GRHL1: variants seen among roughly 807,000 people sequenced by gnomAD.
GRHL1 encodes the protein grainyhead-like protein 1 homolog.
Under a neutral mutation model 75.7 loss-of-function variants are expected in GRHL1, and 38 were observed. The observed-to-expected ratio is 0.50, with a 90% CI of 0.39 to 0.66. GRHL1 has a LOEUF of 0.66. Ranked by LOEUF, GRHL1 falls within the 30% of genes least tolerant of loss-of-function variation. The probability of loss-of-function intolerance (pLI) is 0.00; values close to 1 mark genes in which losing one functional copy is unlikely to be tolerated. For missense variants in GRHL1, 589 were observed against 767.5 expected (o/e 0.77, Z 2.75); for synonymous variants, 266 against 279.4 (o/e 0.95, Z 0.48).
chr2:9,986,248 G>A lies in GRHL1; in HGVS notation c.1235G>A (p.Arg412Gln), dbSNP rs921061980. ...AACCGCAGCAACAAGCCTGTGCACCGGGCCTACTGCCAGATCAAGGTCTTC... is the reference window on the plus strand; with the variant it reads ...AACCGCAGCAACAAGCCTGTGCACCAGGCCTACTGCCAGATCAAGGTCTTC... Reference protein sequence around the residue: ...YNNRSNKPVHRAYCQIKVFCD... With the variant: ...YNNRSNKPVHQAYCQIKVFCD... The change falls in exon 9 of 16, where the codon CGG becomes CAG. Residue 412 changes from arginine to glutamine, a missense_variant. Transcript: ENST00000324907. 11 of 1,613,502 alleles carry A rather than the reference G, an allele frequency of 6.8e-6. No individual in the cohort carries two copies. Among genetic ancestry groups the A allele is most frequent in the East Asian group, 2.2e-5 (1 of 44,846 alleles).
intron 14 of GRHL1, among the ~76,000 whole-genome samples, chr2:9,998,448 G>GTGTGTGTGTGTGTGTGTT (rs1553306800): frequency 4.4e-4 from 31 of 71,124 alleles, no homozygotes; most frequent in South Asian, 7.6e-4. Flanking sequence ...GTGTGTGTGT[G>GTGTGTGTGTGTGTGTGTT]TATATATATA....
Position 9,965,352 on chromosome 2 carries a change from T to G in GRHL1, c.1081T>G (p.Phe361Val), listed in dbSNP as rs781482693. The change falls in exon 8 of 16, where the codon TTC (phenylalanine) becomes GTC (valine). Residue 361 changes from phenylalanine to valine, a missense_variant. By Grantham distance (50) the Phe-to-Val change is conservative. Around this residue, in one of 5 missense-constraint regions of GRHL1, gnomAD observed 362 missense variants for 461.8 expected, o/e 0.78. Coordinates refer to ENST00000324907, the MANE Select transcript of GRHL1 (RefSeq NM_198182.3). Reference sequence around the variant, plus strand: ...GGAGATTGCGTATAACGCCATTTCCTTCACATGGGACATCAACGATGAAGC... The same window carrying G: ...GGAGATTGCGTATAACGCCATTTCCGTCACATGGGACATCAACGATGAAGC... ...IEEIAYNAISFTWDINDEAKV... is the reference protein window; with the variant it reads ...IEEIAYNAISVTWDINDEAKV... The G allele has an allele frequency of 6.2e-7, 1 of 1,610,464 alleles. No individual in the cohort carries two copies.
At chr2:9,999,368 G>A (rs1669166718) in intron 15 of GRHL1, among the ~76,000 whole-genome samples, 1 of 152,264 alleles carries the variant, frequency 6.6e-6, no homozygotes, top group Non-Finnish European at 1.5e-5. Flanking sequence ...TGGCAGCAGT[G>A]CCATGGCTCC....
At chr2:9,984,126 C>G (rs1184995044) in intron 8 of GRHL1, among the ~76,000 whole-genome samples, 3 of 151,908 alleles carry the variant, frequency 2.0e-5, no homozygotes, top group African/African-American at 7.3e-5. Flanking sequence ...TGCGCCATTG[C>G]ACTCCAGCCT....
At chr2:9,998,492 GTA>G (rs373084434) in intron 14 of GRHL1, among the ~76,000 whole-genome samples, 1 of 21,388 alleles carries the variant, frequency 4.7e-5, no homozygotes, top group African/African-American at 3.2e-4. Flanking sequence ...ATATATATAC[GTA>G]TATATACATA....
intron 8 of GRHL1, among the ~76,000 whole-genome samples, chr2:9,969,704 C>G (rs1315539225): frequency 6.6e-6 from 1 of 152,124 alleles, no homozygotes; most frequent in Non-Finnish European, 1.5e-5. Context: ...GAGGGGATGT[C>G]TGGGGGTGGT....
chr2:9,975,176 C>T (rs1001869049), intron 8 of GRHL1, among the ~76,000 whole-genome samples: 5 of 152,178 alleles, frequency 3.3e-5, no homozygotes, highest in African/African-American at 1.2e-4. Flanking sequence ...TTCTGCAGCC[C>T]TAAGTCACAG....
At chr2:9,959,523 T>C (rs1159820672) in intron 3 of GRHL1, 1 of 152,256 alleles carries the variant, frequency 6.6e-6, no homozygotes, top group Non-Finnish European at 1.5e-5. Context: ...GGTAGTGTAC[T>C]TTCTTCTACT....
rs1668587868 is a variant in GRHL1 at position 9,990,351 on chromosome 2, ATG to A, written c.1270-343_1270-342del. ...TTTTTAGTAGAGGTGGGGTTTCACCATGTTGGCCAGGCTGGTCTCGAACTCCT... is the reference window on the plus strand; with the variant it reads ...TTTTTAGTAGAGGTGGGGTTTCACCATTGGCCAGGCTGGTCTCGAACTCCT... On this transcript the variant is annotated intron_variant, in intron 9 of 15. Coordinates refer to ENST00000324907, the MANE Select transcript of GRHL1 (RefSeq NM_198182.3). This position sits in a 1 kb window ranked among gnomAD's most constrained non-coding sequence, Gnocchi z 4.2. Among the ~76,000 whole-genome samples, 1 of 151,922 alleles carries A rather than the reference ATG, an allele frequency of 6.6e-6. No homozygotes were observed. Among genetic ancestry groups the A allele is most frequent in the Non-Finnish European group, 1.5e-5 (1 of 67,982 alleles).
Position 9,955,009 on chromosome 2 carries a change from A to T in GRHL1, c.115A>T (p.Asn39Tyr). 1 of 1,613,550 alleles carries T rather than the reference A, an allele frequency of 6.2e-7. No individual in the cohort carries two copies. Among genetic ancestry groups the T allele is most frequent in the Non-Finnish European group, 8.5e-7 (1 of 1,179,480 alleles). ...TGAGGCCTGGAAATCCTTCCTGGAAAACCCTCTCACTGCAGCGACCAAAGC... is the reference window on the plus strand; with the variant it reads ...TGAGGCCTGGAAATCCTTCCTGGAATACCCTCTCACTGCAGCGACCAAAGC... ...EDEAWKSFLE[N>Y]PLTAATKAMM... Residue 39 changes from asparagine to tyrosine, a missense_variant, in exon 2 of 16, where the codon AAC becomes TAC. Asn to Tyr is a moderately radical substitution (Grantham distance 143). This residue lies in a region of GRHL1 where 362 missense variants were observed against 461.8 expected (regional missense o/e 0.78). Coordinates refer to ENST00000324907, the MANE Select transcript of GRHL1 (RefSeq NM_198182.3).
chr2:9,963,725 G>T (rs1667371915), intron 5 of GRHL1, among the ~76,000 whole-genome samples, 161 bp from the exon 6 acceptor site: 2 of 152,256 alleles, frequency 1.3e-5, no homozygotes, highest in Admixed American at 1.3e-4. Context: ...TCGGCAATTT[G>T]TACTTCCACC....
intron 15 of GRHL1, among the ~76,000 whole-genome samples, chr2:10,000,238 A>C (rs532260643): frequency 6.6e-6 from 1 of 152,342 alleles, no homozygotes; most frequent in East Asian, 1.9e-4. Context: ...CTCCTGCCTC[A>C]GCGTCCCAAA....
At chr2:9,953,821 C>T (rs7581717) in intron 1 of GRHL1, among the ~76,000 whole-genome samples, 45,455 of 152,080 alleles carry the variant, frequency 0.3, 6,815 homozygotes, top group African/African-American at 0.33. Flanking sequence ...TTGTGTGTTG[C>T]AATGAGAGCC....
Position 9,968,045 on chromosome 2 carries a change from C to T in GRHL1, c.1110+2664C>T, listed in dbSNP as rs1222408563. Among the ~76,000 whole-genome samples the T allele has an allele frequency of 1.3e-5, 2 of 152,144 alleles. No individual in the cohort carries two copies. The highest frequency in any genetic ancestry group is 6.5e-5 in the Admixed American group (1 of 15,280). Reference sequence around the variant, plus strand: ...AGTGATCTCTAATGTACCCTTTTGGCCATGCCAGGATGAGTAAAACTGAAA... The same window carrying T: ...AGTGATCTCTAATGTACCCTTTTGGTCATGCCAGGATGAGTAAAACTGAAA... On this transcript the variant is annotated intron_variant, in intron 8 of 15. Transcript: ENST00000324907. This position sits in a 1 kb window ranked among gnomAD's most constrained non-coding sequence, Gnocchi z 4.7.
chr2:9,995,814 AAC>A, intron 12 of GRHL1, 63 bp from the exon 13 acceptor site: 1 of 888,102 alleles, frequency 1.1e-6, no homozygotes, highest in African/African-American at 1.7e-5. Context: ...CAGGCTCTAA[AAC>A]ACCTTAATGT....
At position 9,968,017 on chromosome 2, in the gene GRHL1, T is replaced by C. The variant is rs1667560481; in HGVS notation, c.1110+2636T>C. Among the ~76,000 whole-genome samples the C allele has an allele frequency of 6.6e-6, 1 of 152,204 alleles. No individual in the cohort carries two copies. The highest frequency in any genetic ancestry group is 2.4e-5 in the African/African-American group (1 of 41,452). ...TATGTGGCATTTCCTCCCCTCCCCT[T>C]TTAGTGATCTCTAATGTACCCTTTT... On this transcript the variant is annotated intron_variant, in intron 8 of 15. Coordinates refer to ENST00000324907, the MANE Select transcript of GRHL1 (RefSeq NM_198182.3). The surrounding 1 kb of genome is among the most constrained non-coding windows in gnomAD (Gnocchi z 4.7).
At position 9,951,791 on chromosome 2, in the gene GRHL1, C is replaced by A; in HGVS notation, c.-43C>A. The A allele has an allele frequency of 6.6e-7, 1 of 1,518,876 alleles. No homozygotes were observed. Among genetic ancestry groups the A allele is most frequent in the South Asian group, 1.2e-5 (1 of 83,402 alleles). 94.1% of individuals were successfully genotyped at this position (1,518,876 alleles called of 1,614,324 possible). A position where few individuals can be genotyped will look rare whatever the true frequency, so the allele number is the denominator to read the frequency against. On this transcript the variant is annotated 5_prime_UTR_variant, in exon 1 of 16. Transcript: ENST00000324907. The surrounding 1 kb of genome is among the most constrained non-coding windows in gnomAD (Gnocchi z 4.2). ...CCCGGATCGGGTGTACTGTCCCAAC[C>A]CGAAAGTCCAGTTCTGCGGCCCGGC...
chr2:9,972,445 A>G (rs1572355480), intron 8 of GRHL1, among the ~76,000 whole-genome samples: 3 of 151,642 alleles, frequency 2.0e-5, no homozygotes, highest in Non-Finnish European at 4.4e-5. Context: ...CTTACCCAGC[A>G]TAGCAATTTC....
intron 15 of GRHL1, among the ~76,000 whole-genome samples, chr2:9,999,955 C>G (rs895425835): frequency 4.6e-5 from 7 of 152,188 alleles, no homozygotes; most frequent in African/African-American, 1.4e-4. Flanking sequence ...GCTGTGACTT[C>G]ACATCATGTA....
Sources: gnomAD v4.1 joint callset for allele counts (sites outside exome capture counted in the v4.1 genomes callset) on GRCh38, gnomAD v4.1.1 for gene constraint, gnomAD v4.1.1 regional missense constraint, Gnocchi (gnomAD v3.1) non-coding constraint, MANE v1.5 for transcripts, NCBI Gene and HGNC (gene_info 2026-07-23, HGNC 2026-07-21) for gene names.